The following DLGAP2 variants were observed in gnomAD, a reference collection of about 807,000 sequenced individuals.
The protein encoded by DLGAP2 is disks large-associated protein 2.
DLGAP2 carries 26 observed loss-of-function variants against 100.3 expected under a neutral mutation model. That is an observed-to-expected ratio of 0.26 (90% CI 0.19 to 0.36). The LOEUF (loss-of-function observed/expected upper bound fraction) is 0.36, where lower values mean the gene tolerates loss of function less well. DLGAP2 is among the 10% of genes least tolerant of loss of function. The probability of loss-of-function intolerance (pLI) is 1.00; values close to 1 mark genes in which losing one functional copy is unlikely to be tolerated. For synonymous variants in DLGAP2, 886 were observed against 630.1 expected (o/e 1.41, Z -6.08); for missense variants, 1,858 against 1,453.2 (o/e 1.28, Z -4.53).
chr8:748,786 G>T (rs1820716882), intron 1 of DLGAP2, among the ~76,000 whole-genome samples: 1 of 152,210 alleles, frequency 6.6e-6, no homozygotes, highest in Non-Finnish European at 1.5e-5. Context: ...AAAGCAGCCA[G>T]TGGCTTCCCA....
intron 2 of DLGAP2, among the ~76,000 whole-genome samples, chr8:1,132,267 A>T (rs917792606): frequency 1.3e-5 from 2 of 152,188 alleles, no homozygotes; most frequent in Non-Finnish European, 2.9e-5. Context: ...GGTGATTTTT[A>T]TTGCAAAATC....
At chr8:977,767 T>TGAC (rs1800206642) in intron 2 of DLGAP2, among the ~76,000 whole-genome samples, 1 of 131,922 alleles carries the variant, frequency 7.6e-6, no homozygotes, top group African/African-American at 2.7e-5. Flanking sequence ...TGGTCTTTGG[T>TGAC]GTTGTGGGGA....
chr8:1,169,744 CTT>C (rs1433233875), intron 2 of DLGAP2, among the ~76,000 whole-genome samples: 5 of 150,706 alleles, frequency 3.3e-5, no homozygotes, highest in Admixed American at 3.3e-4. Flanking sequence ...TATCCTGAGA[CTT>C]TGCTGAAGTT....
chr8:1,315,688 G>A (rs1427392713), intron 3 of DLGAP2, among the ~76,000 whole-genome samples: 2 of 87,150 alleles, frequency 2.3e-5, no homozygotes, highest in Admixed American at 1.2e-4. Flanking sequence ...CGAGAAACTC[G>A]GCAGCGTTTA....
At chr8:1,373,382 C>T (rs1407157297) in intron 3 of DLGAP2, among the ~76,000 whole-genome samples, 9 of 152,090 alleles carry the variant, frequency 5.9e-5, no homozygotes. Context: ...GCGCCAGACG[C>T]AGAGCCCTGT....
chr8:1,529,921 G>A (rs140397195), intron 4 of DLGAP2, among the ~76,000 whole-genome samples: 11,202 of 152,230 alleles, frequency 0.074, 478 homozygotes, highest in Middle Eastern at 0.16. Flanking sequence ...CAAAAGGGGA[G>A]GGAGTGTGCG....
chr8:1,058,157 G>A (rs1021015145), intron 2 of DLGAP2, among the ~76,000 whole-genome samples: 35 of 151,746 alleles, frequency 2.3e-4, no homozygotes, highest in Admixed American at 2.2e-3. Context: ...TTGACTAGCG[G>A]CGGGTCTGGG....
chr8:761,986 T>G (rs1408550584), intron 1 of DLGAP2, among the ~76,000 whole-genome samples: 1 of 152,172 alleles, frequency 6.6e-6, no homozygotes. Context: ...GAGGAGGAAC[T>G]GATGAACCCG....
intron 1 of DLGAP2, among the ~76,000 whole-genome samples, chr8:841,166 C>T (rs145687388): frequency 2.0e-5 from 3 of 152,142 alleles, no homozygotes; most frequent in Non-Finnish European, 2.9e-5. Context: ...CAAGATAAAT[C>T]CTCGATTCTT....
chr8:1,262,339 G>C (rs1462607382), intron 3 of DLGAP2: 2 of 152,170 alleles, frequency 1.3e-5, no homozygotes, highest in African/African-American at 2.4e-5. Flanking sequence ...TTTGAAACTT[G>C]TGAGACTATG....
intron 2 of DLGAP2, among the ~76,000 whole-genome samples, chr8:912,211 C>G (rs1798499202): frequency 6.6e-6 from 1 of 152,160 alleles, no homozygotes; most frequent in Non-Finnish European, 1.5e-5. Context: ...AAACCTCAAA[C>G]AGATCAAGCA....
In DLGAP2 at chr8:879,941, A is replaced by T. The variant is rs376580596; in HGVS notation, c.19-27971A>T. Reference sequence around the variant, plus strand: ...CCTCCCTAATGGAATTTTATATCTTAACCATATCCCTCGAGTCTGCAGCCT... The same window carrying T: ...CCTCCCTAATGGAATTTTATATCTTTACCATATCCCTCGAGTCTGCAGCCT... On this transcript the variant is annotated intron_variant, in intron 1 of 14. Transcript: ENST00000637795. Among the ~76,000 whole-genome samples the T allele has an allele frequency of 2.4e-3, 360 of 152,240 alleles. 1 individual carries two copies. The highest frequency in any genetic ancestry group is 8.4e-3 in the African/African-American group (349 of 41,548).
At chr8:1,438,679 G>T (rs966492142) in intron 3 of DLGAP2, among the ~76,000 whole-genome samples, 4 of 152,160 alleles carry the variant, frequency 2.6e-5, no homozygotes, top group Non-Finnish European at 5.9e-5. Flanking sequence ...CCAAGGGCAG[G>T]ATTTGATCTA....
chr8:1,126,606 AG>A (rs1235400200), intron 2 of DLGAP2, among the ~76,000 whole-genome samples: 13 of 151,562 alleles, frequency 8.6e-5, no homozygotes, highest in Admixed American at 2.0e-4. Context: ...TGTGCTGCTG[AG>A]GGCTTTCAGT....
chr8:1,614,859 A>ACG (rs1797099569), intron 6 of DLGAP2, among the ~76,000 whole-genome samples: 1 of 152,188 alleles, frequency 6.6e-6, no homozygotes, highest in Admixed American at 6.5e-5. Flanking sequence ...ACACGTGCAC[A>ACG]CGCACACACA....
At chr8:1,392,654 C>T (rs1017619465) in intron 3 of DLGAP2, among the ~76,000 whole-genome samples, 1 of 152,318 alleles carries the variant, frequency 6.6e-6, no homozygotes, top group South Asian at 2.1e-4. Flanking sequence ...GTCCCGTGGG[C>T]CTGGGCCTCC....
At chr8:853,262 A>T (rs1160043429) in intron 1 of DLGAP2, among the ~76,000 whole-genome samples, 2 of 152,176 alleles carry the variant, frequency 1.3e-5, no homozygotes, top group African/African-American at 4.8e-5. Context: ...AGGGAGGTCC[A>T]GGGAAACGAG....
At chr8:1,520,324 T>G (rs1800549025) in intron 4 of DLGAP2, among the ~76,000 whole-genome samples, 1 of 152,138 alleles carries the variant, frequency 6.6e-6, no homozygotes, top group South Asian at 2.1e-4. Context: ...ACCCAGAAAG[T>G]ATTTGGGGAG....
intron 3 of DLGAP2, among the ~76,000 whole-genome samples, chr8:1,437,827 A>AAAAAAAAAAAAAAG: frequency 6.7e-6 from 1 of 149,878 alleles, no homozygotes; most frequent in Admixed American, 6.7e-5. Context: ...AAAAAAAAAA[A>AAAAAAAAAAAAAAG]AAAAAAAAAT....
Sources: gnomAD v4.1 joint callset for allele counts (sites outside exome capture counted in the v4.1 genomes callset) on GRCh38, gnomAD v4.1.1 for gene constraint, MANE v1.5 for transcripts, NCBI Gene and HGNC (gene_info 2026-07-23, HGNC 2026-07-21) for gene names.